Variants in USH2A observed in about 807,000 individuals in gnomAD.
USH2A encodes the protein usherin.
USH2A carries 443 observed loss-of-function variants against 538.9 expected under a neutral mutation model. The observed-to-expected ratio is 0.82, with a 90% CI of 0.76 to 0.89. The LOEUF is 0.89. USH2A is among the 40% of genes least tolerant of loss of function. The pLI, the probability that USH2A is intolerant of heterozygous loss-of-function variation, is 0.00. For missense variants in USH2A, 6,633 were observed against 6,324.8 expected, an observed-to-expected ratio of 1.05 and a Z score of -1.65; for synonymous variants, 2,413 against 2,273.5, an observed-to-expected ratio of 1.06 and a Z score of -1.75.
intron 61 of USH2A, among the ~76,000 whole-genome samples, chr1:215,682,079 C>T (rs1658251610): frequency 6.6e-6 from 1 of 152,132 alleles, no homozygotes; most frequent in Non-Finnish European, 1.5e-5. Context: ...TCTGAAGATG[C>T]TACAAGTCCC....
In USH2A at chr1:215,965,985, G is replaced by C. The variant is rs150403230; in HGVS notation, c.6958-506C>G. 2.7e-3 allele frequency among the ~76,000 whole-genome samples: 405 copies of C among 149,390 alleles called. 2 individuals carry two copies. The highest frequency in any genetic ancestry group is 9.5e-3 in the African/African-American group (385 of 40,454). On this transcript the variant is annotated intron_variant, in intron 36 of 71. Transcript: ENST00000307340. ...CACGCATGCATACATGTGTGTACAG[G>C]CATGCACGCACACACACGCAAAATT...
At chr1:215,637,285 C>A (rs1170907255) in intron 69 of USH2A, among the ~76,000 whole-genome samples, 1 of 152,156 alleles carries the variant, frequency 6.6e-6, no homozygotes, top group East Asian at 1.9e-4. Flanking sequence ...GTGTCAGAAT[C>A]ACTGGACAGG....
At chr1:216,003,001 C>G (rs77137516) in intron 32 of USH2A, among the ~76,000 whole-genome samples, 4,429 of 152,152 alleles carry the variant, frequency 0.029, 210 homozygotes, top group African/African-American at 0.1. Flanking sequence ...CCTAAACCCA[C>G]CCAGAATATC....
chr1:215,798,991 GGCCATGGCCATCAT>G lies in USH2A; in HGVS notation c.9860_9873del (p.His3287ProfsTer54), dbSNP rs1388040238. On this transcript the variant is annotated frameshift_variant, in exon 50 of 72. Transcript: ENST00000307340. LOFTEE classifies it high-confidence loss of function. ...ACAATCTGTCTGCCACAGCACTTCT[GGCCATGGCCATCAT>G]GAAGCCTCCCAGCACAGCAAATCTG... 7 of 1,614,058 alleles carry G rather than the reference GGCCATGGCCATCAT, an allele frequency of 4.3e-6. No homozygotes were observed. The South Asian group carries it at 7.7e-5, about 18-fold the overall frequency.
chr1:216,041,348 A>T (rs73094513), intron 32 of USH2A, among the ~76,000 whole-genome samples: 2,625 of 152,136 alleles, frequency 0.017, 80 homozygotes, highest in African/African-American at 0.06. Context: ...AGGTGCAGCA[A>T]TGCCTTTGAC....
chr1:216,408,461 C>T (rs1208979645), intron 3 of USH2A, among the ~76,000 whole-genome samples: 2 of 152,106 alleles, frequency 1.3e-5, no homozygotes, highest in African/African-American at 4.8e-5. Context: ...CCTATACATA[C>T]ATACCCAAGA....
chr1:215,646,402 T>C (rs1656853750), intron 67 of USH2A, among the ~76,000 whole-genome samples: 1 of 151,386 alleles, frequency 6.6e-6, no homozygotes, highest in Non-Finnish European at 1.5e-5. Flanking sequence ...TATTAAACAA[T>C]GAAAGCATAT....
chr1:215,636,874 C>T (rs1417002648), intron 69 of USH2A, among the ~76,000 whole-genome samples: 4 of 152,130 alleles, frequency 2.6e-5, no homozygotes, highest in African/African-American at 9.7e-5. Context: ...CAGAGTTCTT[C>T]CCCTCTGCTC....
chr1:215,651,004 G>A (rs1657058826), intron 64 of USH2A, among the ~76,000 whole-genome samples: 1 of 151,768 alleles, frequency 6.6e-6, no homozygotes, highest in Admixed American at 6.6e-5. Flanking sequence ...TTTATTTTTT[G>A]CCTTTTGCCT....
intron 20 of USH2A, among the ~76,000 whole-genome samples, chr1:216,187,005 T>A (rs1207128380): frequency 2.0e-5 from 3 of 151,946 alleles, no homozygotes; most frequent in Non-Finnish European, 4.4e-5. Context: ...ACCAGGGAAG[T>A]CTTCATAAAT....
At chr1:215,836,139 A>G (rs1663472519) in intron 47 of USH2A, among the ~76,000 whole-genome samples, 2 of 151,888 alleles carry the variant, frequency 1.3e-5, no homozygotes. Flanking sequence ...CGTCATTCAC[A>G]TGGGCTTGAG....
intron 32 of USH2A, among the ~76,000 whole-genome samples, chr1:216,015,242 C>T (rs979178746): frequency 6.6e-6 from 1 of 152,132 alleles, no homozygotes; most frequent in African/African-American, 2.4e-5. Context: ...AACACATCTT[C>T]GGCAGCAAAC....
chr1:215,773,615 A>ATGTGTC (rs1316260000), intron 55 of USH2A, among the ~76,000 whole-genome samples: 7 of 151,712 alleles, frequency 4.6e-5, no homozygotes, highest in Admixed American at 2.0e-4. Flanking sequence ...ACACACCCAC[A>ATGTGTC]TGTGTCTGTG....
At chr1:215,836,914 G>T (rs752864426) in intron 47 of USH2A, among the ~76,000 whole-genome samples, 1 of 151,516 alleles carries the variant, frequency 6.6e-6, no homozygotes, top group African/African-American at 2.4e-5. Flanking sequence ...GGTCTCTAAC[G>T]CCCATTTAAT....
chr1:215,812,961 T>A (rs138593020), intron 49 of USH2A, among the ~76,000 whole-genome samples: 138 of 152,318 alleles, frequency 9.1e-4, no homozygotes, highest in African/African-American at 3.1e-3. Flanking sequence ...CTGGATATGT[T>A]ATTGATCCTC....
At chr1:215,850,378 C>T (rs906527321) in intron 44 of USH2A, among the ~76,000 whole-genome samples, 1 of 152,054 alleles carries the variant, frequency 6.6e-6, no homozygotes, top group Non-Finnish European at 1.5e-5. Flanking sequence ...CTCCCTAATA[C>T]CAACATTTTT....
At chr1:216,130,718 A>G (rs553600392) in intron 21 of USH2A, among the ~76,000 whole-genome samples, 3 of 150,714 alleles carry the variant, frequency 2.0e-5, no homozygotes, top group African/African-American at 7.3e-5. Flanking sequence ...CATTGATTGA[A>G]GGGCATTTGG....
intron 43 of USH2A, among the ~76,000 whole-genome samples, chr1:215,872,209 G>A (rs890727589): frequency 1.3e-5 from 2 of 152,062 alleles, no homozygotes; most frequent in African/African-American, 4.8e-5. Flanking sequence ...TCTTTTGTGG[G>A]AATAGCAAAC....
At chr1:215,897,749 AAG>A (rs1258326229) in intron 40 of USH2A, among the ~76,000 whole-genome samples, 2 of 151,824 alleles carry the variant, frequency 1.3e-5, no homozygotes, top group Non-Finnish European at 2.9e-5. Flanking sequence ...GAGAAAGAGA[AAG>A]AGAGTGAGAA....
Sources: gnomAD v4.1 joint callset for allele counts (sites outside exome capture counted in the v4.1 genomes callset) on GRCh38, gnomAD v4.1.1 for gene constraint, MANE v1.5 for transcripts, NCBI Gene and HGNC (gene_info 2026-07-23, HGNC 2026-07-21) for gene names.